DYRK1A: variants seen among roughly 807,000 people sequenced by gnomAD.
The protein encoded by DYRK1A is dual specificity tyrosine phosphorylation regulated kinase 1A, also known as dual specificity tyrosine-phosphorylation-regulated kinase 1A.
DYRK1A carries 9 observed loss-of-function variants against 79.7 expected under a neutral mutation model. The observed-to-expected ratio is 0.11, with a 90% CI of 0.07 to 0.20. The LOEUF is 0.20. Among genes scored for constraint, DYRK1A ranks in the 10% least tolerant of loss-of-function variants. The pLI, the probability that DYRK1A is intolerant of heterozygous loss-of-function variation, is 1.00. For missense variants in DYRK1A, 622 were observed against 956.0 expected (o/e 0.65, Z 4.61); for synonymous variants, 349 against 329.7 (o/e 1.06, Z -0.63).
At chr21:37,464,190 C>A in intron 2 of DYRK1A, 1 of 388,476 alleles carries the variant, frequency 2.6e-6, no homozygotes, top group East Asian at 7.3e-5. Flanking sequence ...TTGCTGTTTC[C>A]TCTGTGTTTA....
intron 2 of DYRK1A, chr21:37,430,263 T>A: frequency 1.0e-6 from 1 of 953,642 alleles, no homozygotes; most frequent in South Asian, 4.9e-5. Flanking sequence ...TTTATTTTTG[T>A]CTTAGAATCT....
Position 37,394,535 on chromosome 21 carries a change from A to AC in DYRK1A, c.-76-25760dup, listed in dbSNP as rs564506764. Among the ~76,000 whole-genome samples the AC allele has an allele frequency of 2.3e-3, 357 of 152,192 alleles. 2 individuals carry two copies. The highest frequency in any genetic ancestry group is 8.3e-3 in the African/African-American group (344 of 41,496). On this transcript the variant is annotated intron_variant, in intron 1 of 11. Coordinates refer to ENST00000647188, the MANE Select transcript of DYRK1A (RefSeq NM_001347721.2). The stretch of plus-strand genomic sequence containing the variant: ...TGTGGCCTGTTAGGAATTGGACTGC[A>AC]CCCCATGAGGTGAGCTTTGGGCAAG...
At chr21:37,408,230 T>C (rs893448869) in intron 1 of DYRK1A, among the ~76,000 whole-genome samples, 1 of 152,240 alleles carries the variant, frequency 6.6e-6, no homozygotes, top group Non-Finnish European at 1.5e-5. Context: ...AGTTAGCTGC[T>C]TTTGTCCAGT....
intron 2 of DYRK1A, among the ~76,000 whole-genome samples, chr21:37,467,981 C>A (rs936647566): frequency 6.6e-6 from 1 of 152,118 alleles, no homozygotes; most frequent in South Asian, 2.1e-4. Context: ...TCCATCATTG[C>A]GGAAAATTCT....
rs946054489 is a variant in DYRK1A at position 37,445,531 on chromosome 21, G to A, written c.10+25147G>A. ...CACAGTAAACATCTGAACAAATAGA[G>A]TTGGGGAAGATGCAGTTTTTGCTGG... On this transcript the variant is annotated intron_variant, in intron 2 of 11. Transcript: ENST00000647188. Among the ~76,000 whole-genome samples the A allele has an allele frequency of 3.9e-5, 6 of 152,336 alleles. No homozygotes were observed. In the South Asian group the frequency reaches 1.0e-3, roughly 26 times the overall value.
At chr21:37,483,488 C>G (rs148612644) in intron 5 of DYRK1A, among the ~76,000 whole-genome samples, 7 of 152,226 alleles carry the variant, frequency 4.6e-5, no homozygotes, top group African/African-American at 1.7e-4. Flanking sequence ...TTGGTAATTA[C>G]ACATAATCCA....
chr21:37,366,989 G>A lies in DYRK1A; in HGVS notation c.-716G>A. 6.1e-6 allele frequency: 1 copy of A among 164,352 alleles called. No homozygotes were observed. Among genetic ancestry groups the A allele is most frequent in the Non-Finnish European group, 1.3e-5 (1 of 75,842 alleles). 10.2% of individuals were successfully genotyped at this position (164,352 alleles called of 1,614,324 possible). On this transcript the variant is annotated 5_prime_UTR_variant, in exon 1 of 12. Transcript: ENST00000647188. The stretch of plus-strand genomic sequence containing the variant: ...ACCCCGAGCGGGGGGTGCGGGCGCC[G>A]CCGCCGCCGCTTCTGCTGCTGCTGT...
Position 37,524,292 on chromosome 21 carries a change from ATGT to A in DYRK1A, c.*11766_*11768del, listed in dbSNP as rs1569415110. ...AAAAAGTAAAAAAAAACCAAAATAC[ATGT>A]TGTTACTTCCCATCTTAGCACTCAT... On this transcript the variant is annotated 3_prime_UTR_variant, in exon 12 of 12. Coordinates refer to ENST00000647188, the MANE Select transcript of DYRK1A (RefSeq NM_001347721.2). 2.0e-5 allele frequency: 3 copies of A among 152,162 alleles called. No homozygotes were observed. The highest frequency in any genetic ancestry group is 2.1e-4 in the South Asian group (1 of 4,836). 9.4% of individuals were successfully genotyped at this position (152,162 alleles called of 1,614,324 possible). A position where few individuals can be genotyped will look rare whatever the true frequency, so the allele number is the denominator to read the frequency against.
chr21:37,443,660 A>G (rs553899121), intron 2 of DYRK1A, among the ~76,000 whole-genome samples: 31 of 152,244 alleles, frequency 2.0e-4, no homozygotes, highest in African/African-American at 5.8e-4. Flanking sequence ...AGTTTATCCA[A>G]TGCTCGGTGA....
At chr21:37,503,859 G>A (rs1025456569) in intron 9 of DYRK1A, 1 of 152,054 alleles carries the variant, frequency 6.6e-6, no homozygotes, top group African/African-American at 2.4e-5. Flanking sequence ...GTTCCAGTCT[G>A]CTATTTTCAA....
intron 2 of DYRK1A, among the ~76,000 whole-genome samples, chr21:37,467,668 GT>G (rs1399818470): frequency 6.6e-6 from 1 of 152,190 alleles, no homozygotes; most frequent in Non-Finnish European, 1.5e-5. Flanking sequence ...TGAGGAAAAG[GT>G]CTTAGAAAAC....
intron 4 of DYRK1A, among the ~76,000 whole-genome samples, chr21:37,479,425 CTTG>C (rs1231966222): frequency 8.6e-5 from 13 of 151,828 alleles, no homozygotes; most frequent in Admixed American, 8.5e-4. Context: ...TTTCTTGGAG[CTTG>C]TTTTTAAGTG....
At chr21:37,495,975 T>C (rs940636174) in intron 8 of DYRK1A, 143 bp from the exon 9 acceptor site, 3 of 699,754 alleles carry the variant, frequency 4.3e-6, no homozygotes, top group South Asian at 2.3e-5. Context: ...TTTCTTGTGT[T>C]TGTTCATTAC....
Position 37,367,639 on chromosome 21 carries a change from G to T in DYRK1A, c.-77+11G>T, listed in dbSNP as rs1410576741. 3 of 146,338 alleles carry T rather than the reference G, an allele frequency of 2.1e-5. No homozygotes were observed. In the East Asian group the frequency reaches 6.1e-4, roughly 30 times the overall value. 9.1% of individuals were successfully genotyped at this position (146,338 alleles called of 1,614,324 possible). On this transcript the variant is annotated intron_variant, in intron 1 of 11. Coordinates refer to ENST00000647188, the MANE Select transcript of DYRK1A (RefSeq NM_001347721.2). ...CCCGCCATCGTCCCGGTGAGTGTCC[G>T]GCCCGGCCGCGGCCCCGCCCGGCCT...
Position 37,523,524 on chromosome 21 carries a change from C to T in DYRK1A, c.*10993C>T, listed in dbSNP as rs1169467206. 1 of 152,180 alleles carries T rather than the reference C, an allele frequency of 6.6e-6. No homozygotes were observed. Among genetic ancestry groups the T allele is most frequent in the Non-Finnish European group, 1.5e-5 (1 of 68,042 alleles). 9.4% of individuals were successfully genotyped at this position (152,180 alleles called of 1,614,324 possible). On this transcript the variant is annotated 3_prime_UTR_variant, in exon 12 of 12. Coordinates refer to ENST00000647188, the MANE Select transcript of DYRK1A (RefSeq NM_001347721.2). ...AGCTTTAGTTTTTGTCTCCCTGAAG[C>T]ATCAACCTGCTTTCCTGCTGCTGTT... is the stretch of plus-strand genomic sequence containing the variant.
chr21:37,435,202 A>C (rs1462565646), intron 2 of DYRK1A, among the ~76,000 whole-genome samples: 4 of 152,330 alleles, frequency 2.6e-5, no homozygotes, highest in South Asian at 2.1e-4. Context: ...CTATTGGACA[A>C]TTGGAAGTAG....
chr21:37,472,699 C>A lies in DYRK1A; in HGVS notation c.26C>A (p.Ala9Glu). Residue 9 changes from alanine (A) to glutamate (E), a missense_variant, in exon 3 of 12, where the codon GCA (alanine) becomes GAA (glutamate). This residue lies in a region of DYRK1A where 91 missense variants were observed against 113.8 expected (regional missense o/e 0.80). Coordinates refer to ENST00000647188, the MANE Select transcript of DYRK1A (RefSeq NM_001347721.2). ...CTTCTTGTAGGAGGAGAGACTTCAG[C>A]ATGCAAACCTTCATCTGTTCGGCTT... MHTGGETS[A>E]CKPSSVRLAP... 6.3e-7 allele frequency: 1 copy of A among 1,593,944 alleles called. No homozygotes were observed. The highest frequency in any genetic ancestry group is 8.6e-7 in the Non-Finnish European group (1 of 1,167,654).
intron 1 of DYRK1A, among the ~76,000 whole-genome samples, chr21:37,395,636 A>T (rs1282254653): frequency 6.6e-6 from 1 of 152,202 alleles, no homozygotes; most frequent in African/African-American, 2.4e-5. Flanking sequence ...TCCTATAAGA[A>T]TTACTCTGGC....
At chr21:37,470,958 C>T (rs184541800) in intron 2 of DYRK1A, among the ~76,000 whole-genome samples, 94 of 152,266 alleles carry the variant, frequency 6.2e-4, no homozygotes, top group African/African-American at 2.2e-3. Context: ...ATTTAATAAA[C>T]ATTATTAATC....
Sources: allele counts gnomAD v4.1 joint callset (sites outside exome capture counted in the v4.1 genomes callset), GRCh38; gene constraint gnomAD v4.1.1; regional missense constraint gnomAD v4.1.1; transcripts MANE v1.5; gene names NCBI Gene and HGNC (gene_info 2026-07-23, HGNC 2026-07-21).